FNDC3B: variants seen among roughly 807,000 people sequenced by gnomAD.
The protein encoded by FNDC3B is fibronectin type III domain containing 3B.
A neutral mutation model predicts 151.5 loss-of-function variants in FNDC3B; 12 were observed. The ratio of observed to expected loss-of-function variants is 0.08; its 90% CI spans 0.05 to 0.13. FNDC3B has a LOEUF of 0.13. Ranked by LOEUF, FNDC3B falls within the 10% of genes least tolerant of loss-of-function variation. The probability of loss-of-function intolerance (pLI) is 1.00; values close to 1 mark genes in which losing one functional copy is unlikely to be tolerated. For missense variants in FNDC3B, 1,214 were observed against 1,505.3 expected (o/e 0.81, Z 3.20); for synonymous variants, 528 against 549.0 (o/e 0.96, Z 0.54).
intron 2 of FNDC3B, among the ~76,000 whole-genome samples, chr3:172,130,444 G>A (rs537169660): frequency 6.6e-6 from 1 of 151,992 alleles, no homozygotes; most frequent in Non-Finnish European, 1.5e-5. Context: ...AGGTATTTTC[G>A]TCGGATGCTT....
At chr3:172,239,775 CAAAAAA>C (rs200097298) in intron 4 of FNDC3B, among the ~76,000 whole-genome samples, 19 of 70,194 alleles carry the variant, frequency 2.7e-4, no homozygotes, top group Admixed American at 2.0e-3. Flanking sequence ...TTAGCTAAGA[CAAAAAA>C]AAAAAAAAAG....
intron 3 of FNDC3B, among the ~76,000 whole-genome samples, chr3:172,174,944 C>CCCCCCCCCCCCCG (rs924176605): frequency 2.0e-4 from 10 of 50,742 alleles, no homozygotes; most frequent in Non-Finnish European, 3.0e-4. Flanking sequence ...CCCCCCCCCC[C>CCCCCCCCCCCCCG]CCAATACAAT....
At chr3:172,113,170 T>C (rs1230987443) in intron 2 of FNDC3B, among the ~76,000 whole-genome samples, 1 of 152,230 alleles carries the variant, frequency 6.6e-6, no homozygotes, top group Non-Finnish European at 1.5e-5. Context: ...CTTTAACAAA[T>C]TATTAGGGAT....
chr3:172,286,338 C>T lies in FNDC3B; in HGVS notation c.849+354C>T, dbSNP rs544796128. On this transcript the variant is annotated intron_variant, in intron 7 of 25. Transcript: ENST00000415807. ...ATGTAGTAATAATTTTTGAAAACCTCAGTAATCCCAAGTATTTTTCCAAGT... is the reference window on the plus strand; with the variant it reads ...ATGTAGTAATAATTTTTGAAAACCTTAGTAATCCCAAGTATTTTTCCAAGT... 2.0e-5 allele frequency among the ~76,000 whole-genome samples: 3 copies of T among 151,646 alleles called. No individual in the cohort carries two copies. In the South Asian group the frequency reaches 6.2e-4, roughly 32 times the overall value.
At chr3:172,277,247 A>C (rs1301077176) in intron 6 of FNDC3B, among the ~76,000 whole-genome samples, 1 of 152,234 alleles carries the variant, frequency 6.6e-6, no homozygotes, top group African/African-American at 2.4e-5. Context: ...GTGTTTTGCT[A>C]TAATTATAGC....
intron 4 of FNDC3B, among the ~76,000 whole-genome samples, chr3:172,238,680 T>A: frequency 6.6e-6 from 1 of 152,222 alleles, no homozygotes; most frequent in South Asian, 2.1e-4. Flanking sequence ...AAGAACAAGC[T>A]TGCCTTTCCT....
At chr3:172,106,529 G>C (rs966807629) in intron 1 of FNDC3B, among the ~76,000 whole-genome samples, 3 of 152,124 alleles carry the variant, frequency 2.0e-5, no homozygotes, top group African/African-American at 4.8e-5. Context: ...ATTAATTTGC[G>C]TACTGTACTG....
At chr3:172,042,553 G>A (rs1182744077) in intron 1 of FNDC3B, among the ~76,000 whole-genome samples, 1 of 152,192 alleles carries the variant, frequency 6.6e-6, no homozygotes, top group Non-Finnish European at 1.5e-5. Flanking sequence ...TATCTGATGT[G>A]TACTAAGCAC....
intron 24 of FNDC3B, among the ~76,000 whole-genome samples, chr3:172,379,641 T>C (rs562563174): frequency 1.3e-5 from 2 of 152,336 alleles, no homozygotes; most frequent in East Asian, 3.9e-4. Flanking sequence ...TGGCAGTAAA[T>C]GCCCTGGCCC....
At position 172,170,378 on chromosome 3, in the gene FNDC3B, T is replaced by C. The variant is rs987917975; in HGVS notation, c.187+36832T>C. 5.5e-4 allele frequency among the ~76,000 whole-genome samples: 83 copies of C among 152,256 alleles called. 1 individual carries two copies. The highest frequency in any genetic ancestry group is 1.9e-3 in the African/African-American group (78 of 41,464). Reference sequence around the variant, plus strand: ...GAGGCTCTTCTTGGGCCAAAGCAGATACCAGGACTTCACCTTGCTGTGACA... The same window carrying C: ...GAGGCTCTTCTTGGGCCAAAGCAGACACCAGGACTTCACCTTGCTGTGACA... On this transcript the variant is annotated intron_variant, in intron 3 of 25. Coordinates refer to ENST00000415807, the MANE Select transcript of FNDC3B (RefSeq NM_022763.4).
intron 5 of FNDC3B, among the ~76,000 whole-genome samples, chr3:172,249,680 T>G (rs1378602406): frequency 6.6e-6 from 1 of 152,242 alleles, no homozygotes; most frequent in Non-Finnish European, 1.5e-5. Flanking sequence ...TTTAGAACAT[T>G]TACTATCCTT....
intron 7 of FNDC3B, among the ~76,000 whole-genome samples, chr3:172,286,659 CA>C (rs1223644180): frequency 6.6e-6 from 1 of 152,242 alleles, no homozygotes; most frequent in East Asian, 1.9e-4. Flanking sequence ...TTGAATTTGA[CA>C]ACCTAAAAGC....
intron 11 of FNDC3B, among the ~76,000 whole-genome samples, chr3:172,312,532 T>C (rs1290764910): frequency 6.6e-6 from 1 of 152,198 alleles, no homozygotes; most frequent in African/African-American, 2.4e-5. Context: ...TCTCTTTTTA[T>C]ATGTTGATTT....
At position 172,039,653 on chromosome 3, in the gene FNDC3B, A is replaced by AGCG. The variant is rs759338151; in HGVS notation, c.-136_-134dup. 28 of 164,592 alleles carry AGCG rather than the reference A, an allele frequency of 1.7e-4. No individual in the cohort carries two copies. Among genetic ancestry groups the AGCG allele is most frequent in the Non-Finnish European group, 3.2e-4 (25 of 77,482 alleles). The allele number at this position is 164,592 out of a possible 1,614,324, so 10.2% of individuals were successfully genotyped here. Reference sequence around the variant, plus strand: ...GCGGCGGCGGCGGCTGGAGGAGGAGAGCGGCGGCGGCGGGAGCAGCGAAGG... The same window carrying AGCG: ...GCGGCGGCGGCGGCTGGAGGAGGAGAGCGGCGGCGGCGGCGGGAGCAGCGAAGG... On this transcript the variant is annotated 5_prime_UTR_variant, in exon 1 of 26. Coordinates refer to ENST00000415807, the MANE Select transcript of FNDC3B (RefSeq NM_022763.4).
At chr3:172,069,031 T>G (rs527441248) in intron 1 of FNDC3B, among the ~76,000 whole-genome samples, 2 of 152,346 alleles carry the variant, frequency 1.3e-5, no homozygotes, top group South Asian at 4.1e-4. Context: ...ATTCCCCTCC[T>G]GAAACTCCAT....
At position 172,170,695 on chromosome 3, in the gene FNDC3B, C is replaced by T. The variant is rs1022050478; in HGVS notation, c.187+37149C>T. The stretch of plus-strand genomic sequence containing the variant: ...AAAGAAATAGGGTTGTATATTGTTT[C>T]GACTCCTTTTGCGTGGTTGTCTTCT... On this transcript the variant is annotated intron_variant, in intron 3 of 25. Coordinates refer to ENST00000415807, the MANE Select transcript of FNDC3B (RefSeq NM_022763.4). 7.2e-5 allele frequency among the ~76,000 whole-genome samples: 11 copies of T among 152,114 alleles called. No homozygotes were observed. In the East Asian group the frequency reaches 7.7e-4, roughly 11 times the overall value.
intron 6 of FNDC3B, among the ~76,000 whole-genome samples, chr3:172,266,399 C>G (rs1210066935): frequency 6.6e-6 from 1 of 152,204 alleles, no homozygotes; most frequent in Admixed American, 6.5e-5. Context: ...GCCTCTAACT[C>G]CTGGGTTCAC....
At chr3:172,380,162 CA>C (rs1347165871) in intron 24 of FNDC3B, among the ~76,000 whole-genome samples, 2 of 151,542 alleles carry the variant, frequency 1.3e-5, no homozygotes, top group Non-Finnish European at 2.9e-5. Context: ...GAATTAGTTG[CA>C]TGTAATTAGG....
intron 3 of FNDC3B, among the ~76,000 whole-genome samples, chr3:172,164,190 G>A (rs1722905910): frequency 1.3e-5 from 2 of 152,118 alleles, no homozygotes; most frequent in African/African-American, 4.8e-5. Context: ...GATTATTTTT[G>A]ATCCTATGGT....
Sources: gnomAD v4.1 joint callset for allele counts (sites outside exome capture counted in the v4.1 genomes callset) on GRCh38, gnomAD v4.1.1 for gene constraint, MANE v1.5 for transcripts, NCBI Gene and HGNC (gene_info 2026-07-23, HGNC 2026-07-21) for gene names.